The following RPS6KA5 variants were observed in gnomAD, a reference collection of about 807,000 sequenced individuals.
RPS6KA5 encodes the protein ribosomal protein S6 kinase alpha-5.
Under a neutral mutation model 85.5 loss-of-function variants are expected in RPS6KA5, and 27 were observed. That is an observed-to-expected ratio of 0.32 (90% CI 0.23 to 0.44). The LOEUF is 0.44. RPS6KA5 is among the 20% of genes least tolerant of loss of function. RPS6KA5 has a pLI of 1.00. For synonymous variants in RPS6KA5, 334 were observed against 348.2 expected, an observed-to-expected ratio of 0.96 and a Z score of 0.46; for missense variants, 811 against 980.9, an observed-to-expected ratio of 0.83 and a Z score of 2.31.
chr14:91,001,059 TC>T, intron 2 of RPS6KA5, 28 bp downstream of exon 2: 1 of 1,281,964 alleles, frequency 7.8e-7, no homozygotes. Context: ...CTTTTTTTTT[TC>T]CTTAAATATA....
intron 14 of RPS6KA5, among the ~76,000 whole-genome samples, chr14:90,875,681 A>G (rs1157362328): frequency 6.6e-6 from 1 of 152,048 alleles, no homozygotes; most frequent in Non-Finnish European, 1.5e-5. Flanking sequence ...GACTGGATTA[A>G]GAAAATGTGG....
intron 2 of RPS6KA5, among the ~76,000 whole-genome samples, chr14:90,987,631 T>A (rs2040112050): frequency 2.0e-5 from 3 of 152,122 alleles, no homozygotes; most frequent in Admixed American, 2.0e-4. Flanking sequence ...CCGCCTCAAC[T>A]GGAAAAACAG....
chr14:90,972,504 T>C (rs1284328271), intron 3 of RPS6KA5, among the ~76,000 whole-genome samples: 1 of 152,216 alleles, frequency 6.6e-6, no homozygotes, highest in Non-Finnish European at 1.5e-5. Flanking sequence ...CTCAACTCAA[T>C]GTAAATGTGG....
chr14:91,000,953 T>C (rs2040762237), intron 2 of RPS6KA5, 135 bp downstream of exon 2: 1 of 560,652 alleles, frequency 1.8e-6, no homozygotes, highest in Non-Finnish European at 3.2e-6. Flanking sequence ...GGTCTGTTCA[T>C]GTTCTTTGAC....
At chr14:90,967,008 TCAATAGTCC>T (rs1389834202) in intron 3 of RPS6KA5, among the ~76,000 whole-genome samples, 6 of 152,122 alleles carry the variant, frequency 3.9e-5, no homozygotes, top group African/African-American at 1.2e-4. Context: ...AAGAAAACTA[TCAATAGTCC>T]ATCTTTATGA....
In RPS6KA5 at chr14:91,004,671, T is replaced by C. The variant is rs185206683; in HGVS notation, c.104-3512A>G. On this transcript the variant is annotated intron_variant, in intron 1 of 16. Coordinates refer to ENST00000614987, the MANE Select transcript of RPS6KA5 (RefSeq NM_004755.4). ...CATGGAGCCACCACCACAAGCATGATATAAAACAGTTCCAGGCCGGGCGCG... is the reference window on the plus strand; with the variant it reads ...CATGGAGCCACCACCACAAGCATGACATAAAACAGTTCCAGGCCGGGCGCG... Among the ~76,000 whole-genome samples, 8 of 152,102 alleles carry C rather than the reference T, an allele frequency of 5.3e-5. No individual in the cohort carries two copies. The East Asian group carries it at 1.6e-3, about 30-fold the overall frequency.
chr14:90,880,556 T>C (rs117013509), intron 14 of RPS6KA5, among the ~76,000 whole-genome samples: 6 of 152,210 alleles, frequency 3.9e-5, no homozygotes, highest in Admixed American at 3.9e-4. Context: ...ACATTTTAAC[T>C]CTGTATGTGT....
chr14:90,908,059 C>T (rs2035606370), intron 7 of RPS6KA5, among the ~76,000 whole-genome samples: 1 of 152,200 alleles, frequency 6.6e-6, no homozygotes, highest in African/African-American at 2.4e-5. Context: ...ACTTCTTAAA[C>T]CTTAAGAACA....
chr14:90,941,774 T>C (rs939731201), intron 5 of RPS6KA5, among the ~76,000 whole-genome samples: 22 of 152,346 alleles, frequency 1.4e-4, no homozygotes, highest in Non-Finnish European at 3.1e-4. Context: ...CTGTCATCCA[T>C]CTTCTAAAAT....
At chr14:90,876,756 G>A (rs1399885552) in intron 14 of RPS6KA5, among the ~76,000 whole-genome samples, 1 of 152,160 alleles carries the variant, frequency 6.6e-6, no homozygotes. Flanking sequence ...TGAGGGAAGC[G>A]TGCTCATCCT....
chr14:91,026,598 T>C (rs976261774), intron 1 of RPS6KA5, among the ~76,000 whole-genome samples: 1 of 152,202 alleles, frequency 6.6e-6, no homozygotes, highest in African/African-American at 2.4e-5. Context: ...TTTGCTATCG[T>C]GAATAGTACT....
At chr14:90,988,509 A>C (rs1353412823) in intron 2 of RPS6KA5, among the ~76,000 whole-genome samples, 1 of 152,226 alleles carries the variant, frequency 6.6e-6, no homozygotes, top group Non-Finnish European at 1.5e-5. Context: ...AAGATGCTTG[A>C]ATACATTTGT....
At chr14:90,979,501 C>G (rs968483206) in intron 2 of RPS6KA5, among the ~76,000 whole-genome samples, 3 of 152,104 alleles carry the variant, frequency 2.0e-5, no homozygotes, top group Non-Finnish European at 2.9e-5. Context: ...GAATTCTGGC[C>G]CAGATCAATA....
intron 2 of RPS6KA5, among the ~76,000 whole-genome samples, chr14:90,980,332 C>T (rs1302082081): frequency 6.6e-6 from 1 of 152,140 alleles, no homozygotes; most frequent in Non-Finnish European, 1.5e-5. Flanking sequence ...TCTTGTTATC[C>T]CAGGTTCCTA....
At chr14:90,930,644 G>A (rs1246297653) in intron 5 of RPS6KA5, among the ~76,000 whole-genome samples, 2 of 152,042 alleles carry the variant, frequency 1.3e-5, no homozygotes, top group Non-Finnish European at 2.9e-5. Flanking sequence ...TATCTGATAA[G>A]GAGTTAATAT....
At chr14:90,942,809 C>A (rs1046552128) in intron 5 of RPS6KA5, among the ~76,000 whole-genome samples, 1 of 152,162 alleles carries the variant, frequency 6.6e-6, no homozygotes, top group African/African-American at 2.4e-5. Flanking sequence ...TTATATTTTA[C>A]ATATTTTATG....
In RPS6KA5 at chr14:91,048,150, G is replaced by GTATT. The variant is rs547176290; in HGVS notation, c.103+12178_103+12181dup. Among the ~76,000 whole-genome samples, 145 of 152,250 alleles carry GTATT rather than the reference G, an allele frequency of 9.5e-4. 2 individuals are homozygous for GTATT. The highest frequency in any genetic ancestry group is 1.4e-3 in the Non-Finnish European group (97 of 68,018). The stretch of plus-strand genomic sequence containing the variant: ...AGCCTACCACACAAGCCTTCATCAT[G>GTATT]TATTTGCTTGAAGCTACCTAAATTG... On this transcript the variant is annotated intron_variant, in intron 1 of 16. Coordinates refer to ENST00000614987, the MANE Select transcript of RPS6KA5 (RefSeq NM_004755.4).
intron 7 of RPS6KA5, among the ~76,000 whole-genome samples, chr14:90,914,473 C>A (rs1305075334): frequency 6.6e-6 from 1 of 151,954 alleles, no homozygotes; most frequent in Non-Finnish European, 1.5e-5. Context: ...CATCACCATG[C>A]CCAGCTAATT....
chr14:90,943,205 T>A lies in RPS6KA5; in HGVS notation c.511-20A>T. The A allele has an allele frequency of 7.5e-7, 1 of 1,338,728 alleles. No individual in the cohort carries two copies. The highest frequency in any genetic ancestry group is 1.1e-6 in the Non-Finnish European group (1 of 946,690). 82.9% of individuals were successfully genotyped at this position (1,338,728 alleles called of 1,614,324 possible). On this transcript the variant is annotated intron_variant, in intron 4 of 16. Transcript: ENST00000614987. Reference sequence around the variant, plus strand: ...CCCCAACTGCAAAAACAAAGAAATATAAATTTTAAAATAATTTACAAAAAA... The same window carrying A: ...CCCCAACTGCAAAAACAAAGAAATAAAAATTTTAAAATAATTTACAAAAAA...
Sources: allele counts gnomAD v4.1 joint callset (sites outside exome capture counted in the v4.1 genomes callset), GRCh38; gene constraint gnomAD v4.1.1; transcripts MANE v1.5; gene names NCBI Gene and HGNC (gene_info 2026-07-23, HGNC 2026-07-21).